Variants in PCDHA2 observed in about 807,000 individuals in gnomAD.
PCDHA2 encodes the protein protocadherin alpha 2, also known as protocadherin alpha-2.
In PCDHA2, 58 loss-of-function variants were observed where a neutral mutation model predicts 66.0. That is an observed-to-expected ratio of 0.88 (90% CI 0.71 to 1.09). PCDHA2 has a LOEUF of 1.09. PCDHA2 is among the 50% of genes least tolerant of loss of function. The pLI, the probability that PCDHA2 is intolerant of heterozygous loss-of-function variation, is 0.00. For missense variants in PCDHA2, 1,267 were observed against 1,242.3 expected, an observed-to-expected ratio of 1.02 and a Z score of -0.30; for synonymous variants, 634 against 554.0, an observed-to-expected ratio of 1.14 and a Z score of -2.03.
chr5:140,849,776 G>C, intron 1 of PCDHA2: 1 of 1,598,464 alleles, frequency 6.3e-7, no homozygotes, highest in Non-Finnish European at 8.6e-7. Context: ...TGGTTACCGC[G>C]CGGGACGGGG....
chr5:140,907,252 A>C (rs1459023391), intron 1 of PCDHA2, among the ~76,000 whole-genome samples: 3 of 152,152 alleles, frequency 2.0e-5, no homozygotes, highest in African/African-American at 7.2e-5. Flanking sequence ...TGTAATTGTG[A>C]CTTCAAAAGG....
At chr5:140,805,481 G>A (rs781826032) in intron 1 of PCDHA2, 41 of 996,848 alleles carry the variant, frequency 4.1e-5, no homozygotes, top group Middle Eastern at 5.0e-4. Context: ...AATAGAGAGG[G>A]AGCGTAAAGC....
chr5:140,941,191 T>TTTTTTTCTTTC (rs1554213809), intron 1 of PCDHA2, among the ~76,000 whole-genome samples: 6 of 93,206 alleles, frequency 6.4e-5, no homozygotes, highest in Admixed American at 2.5e-4. Context: ...GCTTCTTTTT[T>TTTTTTTCTTTC]TTTCTTTCTT....
intron 1 of PCDHA2, chr5:140,828,543 T>C: frequency 6.2e-7 from 1 of 1,614,216 alleles, no homozygotes; most frequent in Non-Finnish European, 8.5e-7. Context: ...CCAGATTCTG[T>C]GTTTCCACTG....
At chr5:140,941,194 T>TCTTC (rs781904538) in intron 1 of PCDHA2, among the ~76,000 whole-genome samples, 2 of 112,354 alleles carry the variant, frequency 1.8e-5, no homozygotes, top group Non-Finnish European at 3.8e-5. Context: ...TCTTTTTTTT[T>TCTTC]CTTTCTTCCT....
chr5:140,854,108 AC>A lies in PCDHA2; in HGVS notation c.2388+56757del, dbSNP rs1233972098. The A allele has an allele frequency of 1.0e-4, 31 of 299,428 alleles. 3 individuals are homozygous for A. Among genetic ancestry groups the A allele is most frequent in the Non-Finnish European group, 1.4e-4 (30 of 208,480 alleles). The allele number at this position is 299,428 out of a possible 1,614,324, so 18.5% of individuals were successfully genotyped here. A position where few individuals can be genotyped will look rare whatever the true frequency, so the allele number is the denominator to read the frequency against. On this transcript the variant is annotated intron_variant, in intron 1 of 3. Transcript: ENST00000526136. ...GCCTGGGACATTGAGGCTGCAGTGA[AC>A]TGTGATGGCACAACTGCATTTCAGC...
At chr5:140,925,189 C>A (rs1488098385) in intron 1 of PCDHA2, among the ~76,000 whole-genome samples, 2 of 152,116 alleles carry the variant, frequency 1.3e-5, no homozygotes, top group African/African-American at 4.8e-5. Flanking sequence ...TACCATCACC[C>A]AGCTTCAATA....
chr5:140,906,720 G>A (rs2072884338), intron 1 of PCDHA2, among the ~76,000 whole-genome samples: 1 of 152,182 alleles, frequency 6.6e-6, no homozygotes, highest in African/African-American at 2.4e-5. Context: ...CCTGGATTGT[G>A]CTGTTGTAGT....
intron 1 of PCDHA2, among the ~76,000 whole-genome samples, chr5:140,953,785 T>C (rs2094935669): frequency 6.6e-6 from 1 of 152,224 alleles, no homozygotes. Context: ...TTTATTTTTT[T>C]CTTCAACTTT....
intron 1 of PCDHA2, chr5:140,927,277 G>A (rs1554204290): frequency 6.2e-7 from 1 of 1,614,016 alleles, no homozygotes; most frequent in Non-Finnish European, 8.5e-7. Context: ...TGCCGGCGAC[G>A]TGCAGCTGCA....
At chr5:140,853,004 G>T (rs914027451) in intron 1 of PCDHA2, 1 of 289,800 alleles carries the variant, frequency 3.5e-6, no homozygotes, top group Non-Finnish European at 5.4e-6. Flanking sequence ...TCAGCCTCCC[G>T]AGTAGCTGGG....
At chr5:140,834,361 G>C in intron 1 of PCDHA2, 1 of 1,551,090 alleles carries the variant, frequency 6.4e-7, no homozygotes, top group Non-Finnish European at 8.7e-7. Context: ...TTGCTGACTA[G>C]AAAAACAAGC....
rs2150377192 is a variant in PCDHA2, at chr5:140,845,186, A to C, written c.2388+47834A>C. On this transcript the variant is annotated intron_variant, in intron 1 of 3. Transcript: ENST00000526136. ...TTGTTTTCATTTTAGTCCTTTAAAAAATATGATTGTTTTCATTTAAGTCCT... is the reference window on the plus strand; with the variant it reads ...TTGTTTTCATTTTAGTCCTTTAAAACATATGATTGTTTTCATTTAAGTCCT... 3.3e-5 allele frequency among the ~76,000 whole-genome samples: 5 copies of C among 149,420 alleles called. 1 individual carries two copies. The highest frequency in any genetic ancestry group is 7.5e-5 in the Non-Finnish European group (5 of 66,806).
chr5:140,994,017 T>C (rs2153920554), intron 3 of PCDHA2, among the ~76,000 whole-genome samples: 1 of 152,336 alleles, frequency 6.6e-6, no homozygotes, highest in South Asian at 2.1e-4. Flanking sequence ...TTCTAGGTGA[T>C]GCAGATATAA....
intron 1 of PCDHA2, chr5:140,926,951 G>T (rs1554203848): frequency 1.9e-6 from 3 of 1,596,266 alleles, no homozygotes; most frequent in Middle Eastern, 1.7e-4. Context: ...GCTGCAGCGG[G>T]ACAGCTCGAG....
At chr5:140,929,417 T>C in intron 1 of PCDHA2, 2 of 1,503,568 alleles carry the variant, frequency 1.3e-6, no homozygotes, top group Non-Finnish European at 1.8e-6. Context: ...TTTCACAACA[T>C]TTCATCAATT....
intron 1 of PCDHA2, chr5:140,830,232 C>T (rs782042680): frequency 1.9e-6 from 3 of 1,613,928 alleles, no homozygotes; most frequent in East Asian, 2.2e-5. Context: ...CTGGTCCTCA[C>T]GCTACTGCTG....
intron 1 of PCDHA2, chr5:140,967,546 C>T (rs199955615): frequency 6.8e-6 from 11 of 1,613,824 alleles, no homozygotes; most frequent in Non-Finnish European, 8.5e-6. Context: ...TTGACCAGTC[C>T]ACTTATCGCG....
intron 1 of PCDHA2, among the ~76,000 whole-genome samples, chr5:140,955,285 G>T (rs2095164466): frequency 6.6e-6 from 1 of 151,896 alleles, no homozygotes; most frequent in Non-Finnish European, 1.5e-5. Context: ...ATATTGATAT[G>T]GTTTGGCTGT....
Sources: allele counts gnomAD v4.1 joint callset (sites outside exome capture counted in the v4.1 genomes callset), GRCh38; gene constraint gnomAD v4.1.1; transcripts MANE v1.5; gene names NCBI Gene and HGNC (gene_info 2026-07-23, HGNC 2026-07-21).